Variants in AGAP1 observed in about 807,000 individuals in gnomAD.
AGAP1 encodes arf-GAP with GTPase, ANK repeat and PH domain-containing protein 1.
Under a neutral mutation model 105.3 loss-of-function variants are expected in AGAP1, and 29 were observed. The observed-to-expected ratio is 0.28, with a 90% CI of 0.21 to 0.38. The LOEUF is 0.38. AGAP1 is among the 10% of genes least tolerant of loss of function. The pLI, the probability that AGAP1 is intolerant of heterozygous loss-of-function variation, is 1.00. For missense variants in AGAP1, 998 were observed against 1,165.1 expected, an observed-to-expected ratio of 0.86 and a Z score of 2.09; for synonymous variants, 509 against 485.9, an observed-to-expected ratio of 1.05 and a Z score of -0.63.
At chr2:235,925,626 A>G (rs1340284724) in intron 11 of AGAP1, among the ~76,000 whole-genome samples, 1 of 152,194 alleles carries the variant, frequency 6.6e-6, no homozygotes, top group Non-Finnish European at 1.5e-5. Context: ...CTTAGCTATC[A>G]GGTCTAGGTG....
rs1204843667 is a variant in AGAP1, at chr2:236,058,017, A to C, written c.2114+8736A>C. On this transcript the variant is annotated intron_variant, in intron 16 of 17. Coordinates refer to ENST00000304032, the MANE Select transcript of AGAP1 (RefSeq NM_001037131.3). This position sits in a 1 kb window ranked among gnomAD's most constrained non-coding sequence, Gnocchi z 4.6. ...CATGTTTATTTTGCTTTGTATGTAT[A>C]TAATGGTTTATTGCAGCATCAGTAT... Among the ~76,000 whole-genome samples, 1 of 152,130 alleles carries C rather than the reference A, an allele frequency of 6.6e-6. No individual in the cohort carries two copies. Among genetic ancestry groups the C allele is most frequent in the Non-Finnish European group, 1.5e-5 (1 of 68,026 alleles).
At chr2:235,605,993 T>C (rs1289978649) in intron 1 of AGAP1, among the ~76,000 whole-genome samples, 1 of 152,212 alleles carries the variant, frequency 6.6e-6, no homozygotes, top group Non-Finnish European at 1.5e-5. Flanking sequence ...TTTTTAAGAA[T>C]TTTCTACACT....
chr2:235,511,971 TGTGA>T (rs750479816), intron 1 of AGAP1, among the ~76,000 whole-genome samples: 64 of 145,108 alleles, frequency 4.4e-4, no homozygotes, highest in Middle Eastern at 3.6e-3. Flanking sequence ...TAAAGGTGAT[TGTGA>T]GTGTGTGAAT....
At chr2:236,028,992 G>T (rs1056946895) in intron 13 of AGAP1, among the ~76,000 whole-genome samples, 14 of 151,858 alleles carry the variant, frequency 9.2e-5, no homozygotes, top group African/African-American at 3.1e-4. Flanking sequence ...TCTTGCAGAG[G>T]TTTACCACAT....
In AGAP1 at chr2:235,715,900, G is replaced by A. The variant is rs147007194; in HGVS notation, c.223-1657G>A. 3.9e-4 allele frequency among the ~76,000 whole-genome samples: 59 copies of A among 152,256 alleles called. 2 individuals carry two copies. The East Asian group carries it at 0.011, about 30-fold the overall frequency. On this transcript the variant is annotated intron_variant, in intron 2 of 17. Transcript: ENST00000304032. Reference sequence around the variant, plus strand: ...GGCTGGGTGTGATGTGGCCTCAGAAGCTGATGAGGAGACTGGGAGAGAGAG... The same window carrying A: ...GGCTGGGTGTGATGTGGCCTCAGAAACTGATGAGGAGACTGGGAGAGAGAG...
rs2149271202 is a variant in AGAP1, at chr2:235,621,577, C to T, written c.164-87602C>T. On this transcript the variant is annotated intron_variant, in intron 1 of 17. Coordinates refer to ENST00000304032, the MANE Select transcript of AGAP1 (RefSeq NM_001037131.3). This position sits in a 1 kb window ranked among gnomAD's most constrained non-coding sequence, Gnocchi z 4.1. Reference sequence around the variant, plus strand: ...TTCTCTGGGCACTGGCTGGGCTGACCCCAATGGCCCCTGCCCATCATGCAT... The same window carrying T: ...TTCTCTGGGCACTGGCTGGGCTGACTCCAATGGCCCCTGCCCATCATGCAT... 6.6e-6 allele frequency among the ~76,000 whole-genome samples: 1 copy of T among 152,308 alleles called. No homozygotes were observed. The highest frequency in any genetic ancestry group is 2.1e-4 in the South Asian group (1 of 4,818).
chr2:235,754,222 T>C lies in AGAP1; in HGVS notation c.673+3734T>C, dbSNP rs550651106. Among the ~76,000 whole-genome samples the C allele has an allele frequency of 5.9e-5, 9 of 152,286 alleles. No individual in the cohort carries two copies. Among genetic ancestry groups the C allele is most frequent in the African/African-American group, 1.9e-4 (8 of 41,572 alleles). On this transcript the variant is annotated intron_variant, in intron 6 of 17. Coordinates refer to ENST00000304032, the MANE Select transcript of AGAP1 (RefSeq NM_001037131.3). The surrounding 1 kb of genome is among the most constrained non-coding windows in gnomAD (Gnocchi z 4.6). The stretch of plus-strand genomic sequence containing the variant: ...AACACACCAGCTTTGCCCACAGGTC[T>C]GGGGAGGGCCTTGCAGGGGATGCAC...
At chr2:235,496,613 T>C (rs1941329968) in intron 1 of AGAP1, among the ~76,000 whole-genome samples, 1 of 152,244 alleles carries the variant, frequency 6.6e-6, no homozygotes, top group African/African-American at 2.4e-5. Flanking sequence ...CCTCTTTTGC[T>C]GCATGAAGAC....
At position 236,131,278 on chromosome 2, in the gene AGAP1, C is replaced by A. The variant is rs577821437; in HGVS notation, c.*7156C>A. The A allele has an allele frequency of 6.6e-6, 1 of 152,350 alleles. No homozygotes were observed. Among genetic ancestry groups the A allele is most frequent in the East Asian group, 1.9e-4 (1 of 5,164 alleles). The allele number at this position is 152,350 out of a possible 1,614,324, so 9.4% of individuals were successfully genotyped here. A position where few individuals can be genotyped will look rare whatever the true frequency, so the allele number is the denominator to read the frequency against. On this transcript the variant is annotated 3_prime_UTR_variant, in exon 18 of 18. Transcript: ENST00000304032. This position sits in a 1 kb window ranked among gnomAD's most constrained non-coding sequence, Gnocchi z 5.9. ...GGCAGGTCTCCTGCACTGGCTCTTC[C>A]CTTCTGCCAGCTTGGAATTTGGTTC...
chr2:236,032,970 G>A (rs1361873406), intron 13 of AGAP1, among the ~76,000 whole-genome samples: 1 of 152,216 alleles, frequency 6.6e-6, no homozygotes, highest in Non-Finnish European at 1.5e-5. Flanking sequence ...GATCGGCCAG[G>A]TGCAGTGACT....
At chr2:235,868,328 T>C (rs1044664576) in intron 9 of AGAP1, among the ~76,000 whole-genome samples, 3 of 152,286 alleles carry the variant, frequency 2.0e-5, no homozygotes, top group African/African-American at 7.2e-5. Flanking sequence ...TCATTTGATC[T>C]CATTGCGAAA....
chr2:235,755,498 T>C (rs115195381), intron 6 of AGAP1, among the ~76,000 whole-genome samples: 2,854 of 152,290 alleles, frequency 0.019, 83 homozygotes, highest in African/African-American at 0.062. Flanking sequence ...TGGAGTGCAG[T>C]GGCACGATCT....
At chr2:235,573,545 A>T (rs977499431) in intron 1 of AGAP1, among the ~76,000 whole-genome samples, 4 of 150,352 alleles carry the variant, frequency 2.7e-5, no homozygotes, top group African/African-American at 1.0e-4. Context: ...TAATCAAATG[A>T]TGTCATTATA....
intron 2 of AGAP1, among the ~76,000 whole-genome samples, chr2:235,715,949 G>A (rs1015435684): frequency 6.6e-6 from 1 of 152,312 alleles, no homozygotes; most frequent in Admixed American, 6.5e-5. Flanking sequence ...CCATCGAGGC[G>A]TGAATACCGC....
chr2:235,710,902 T>C (rs1018988643), intron 2 of AGAP1, among the ~76,000 whole-genome samples: 1 of 152,232 alleles, frequency 6.6e-6, no homozygotes, highest in Non-Finnish European at 1.5e-5. Flanking sequence ...GGTCGTGTTC[T>C]AAGTGCTTTA....
At position 235,845,561 on chromosome 2, in the gene AGAP1, T is replaced by C. The variant is rs1005432987; in HGVS notation, c.1051-37784T>C. Among the ~76,000 whole-genome samples, 7 of 151,556 alleles carry C rather than the reference T, an allele frequency of 4.6e-5. No individual in the cohort carries two copies. The highest frequency in any genetic ancestry group is 1.0e-4 in the Non-Finnish European group (7 of 67,942). On this transcript the variant is annotated intron_variant, in intron 9 of 17. Transcript: ENST00000304032. The surrounding 1 kb of genome is among the most constrained non-coding windows in gnomAD (Gnocchi z 4.8). ...GCCCAGCCGGTCGACAGCAGACCTT[T>C]CCTTCCAGTTATTCCTTTCCTTCCA...
intron 8 of AGAP1, among the ~76,000 whole-genome samples, chr2:235,803,040 ATGATGGTTGTGG>A (rs1350927382): frequency 1.6e-3 from 55 of 34,976 alleles, no homozygotes; most frequent in African/African-American, 5.3e-3. Flanking sequence ...TGTGATGGTG[ATGATGGTTGTGG>A]TGATGGTGGT....
At chr2:235,616,776 A>G (rs1946319887) in intron 1 of AGAP1, among the ~76,000 whole-genome samples, 1 of 152,234 alleles carries the variant, frequency 6.6e-6, no homozygotes, top group African/African-American at 2.4e-5. Context: ...TTAAAAACAA[A>G]TAGTGAAAAC....
rs10643148 is a variant in AGAP1, at chr2:235,548,654, C to CAAA, written c.163+53819_163+53821dup. The stretch of plus-strand genomic sequence containing the variant: ...GGCAAAAAGTGCGAAACTCCGTCTT[C>CAAA]AAAAAAAAAAAAAAAATGCCACGAT... On this transcript the variant is annotated intron_variant, in intron 1 of 17. Transcript: ENST00000304032. Among the ~76,000 whole-genome samples, 915 of 135,130 alleles carry CAAA rather than the reference C, an allele frequency of 6.8e-3. 22 individuals carry two copies. The East Asian group carries it at 0.07, about 10-fold the overall frequency. 88.7% of individuals were successfully genotyped at this position (135,130 alleles called of 152,430 possible).
Sources: gnomAD v4.1 joint callset for allele counts (sites outside exome capture counted in the v4.1 genomes callset) on GRCh38, gnomAD v4.1.1 for gene constraint, Gnocchi (gnomAD v3.1) non-coding constraint, MANE v1.5 for transcripts, NCBI Gene and HGNC (gene_info 2026-07-23, HGNC 2026-07-21) for gene names.